The following PSD3 variants were observed in gnomAD, a reference collection of about 807,000 sequenced individuals.
The protein encoded by PSD3 is PH and SEC7 domain-containing protein 3.
Under a neutral mutation model 105.5 loss-of-function variants are expected in PSD3, and 49 were observed. The ratio of observed to expected loss-of-function variants is 0.46; its 90% CI spans 0.37 to 0.59. The LOEUF (loss-of-function observed/expected upper bound fraction) is 0.59, where lower values mean the gene tolerates loss of function less well. Ranked by LOEUF, PSD3 falls within the 20% of genes least tolerant of loss-of-function variation. The probability of loss-of-function intolerance (pLI) is 0.00; values close to 1 mark genes in which losing one functional copy is unlikely to be tolerated. For synonymous variants in PSD3, 557 were observed against 457.8 expected, an observed-to-expected ratio of 1.22 and a Z score of -2.77; for missense variants, 1,561 against 1,263.8, an observed-to-expected ratio of 1.24 and a Z score of -3.57.
At chr8:18,991,061 G>C (rs1013103973) in intron 1 of PSD3, among the ~76,000 whole-genome samples, 1 of 152,072 alleles carries the variant, frequency 6.6e-6, no homozygotes, top group Non-Finnish European at 1.5e-5. Context: ...AGAAGCTGCC[G>C]GCCAGAGCCC....
At chr8:18,579,147 A>G (rs1318278564) in intron 12 of PSD3, among the ~76,000 whole-genome samples, 1 of 144,308 alleles carries the variant, frequency 6.9e-6, no homozygotes, top group Non-Finnish European at 1.5e-5. Flanking sequence ...GGGCAAAACC[A>G]AGAGTAGAGT....
At chr8:18,579,356 G>C (rs1585291854) in intron 12 of PSD3, among the ~76,000 whole-genome samples, 1 of 152,072 alleles carries the variant, frequency 6.6e-6, no homozygotes, top group African/African-American at 2.4e-5. Context: ...GTGAAACAGT[G>C]AGCAAGATAA....
In PSD3 at chr8:19,013,535, G is replaced by C. The variant is rs753995788; in HGVS notation, c.21+28C>G. 1.9e-6 allele frequency: 3 copies of C among 1,574,688 alleles called. No homozygotes were observed. The East Asian group carries it at 7.2e-5, about 38-fold the overall frequency. ...AACAGCGGCGCCGCGTGCGCACCCC[G>C]CGCCCGCGCCCCGGCCCCGGAGCTC... On this transcript the variant is annotated intron_variant, in intron 1 of 15. Coordinates refer to ENST00000327040, the MANE Select transcript of PSD3 (RefSeq NM_015310.4).
chr8:18,650,604 G>A (rs1220490483), intron 10 of PSD3, among the ~76,000 whole-genome samples: 1 of 152,120 alleles, frequency 6.6e-6, no homozygotes, highest in Non-Finnish European at 1.5e-5. Flanking sequence ...TAAATCTCAT[G>A]TTGTGTTCTC....
At chr8:18,789,482 A>T (rs574755874) in intron 8 of PSD3, among the ~76,000 whole-genome samples, 6 of 152,210 alleles carry the variant, frequency 3.9e-5, no homozygotes, top group Non-Finnish European at 7.3e-5. Context: ...AATGCAATTT[A>T]AAAATCTTAT....
At chr8:18,708,987 A>G (rs973473725) in intron 9 of PSD3, among the ~76,000 whole-genome samples, 7 of 152,098 alleles carry the variant, frequency 4.6e-5, no homozygotes, top group Admixed American at 4.6e-4. Flanking sequence ...GGATCAGGAG[A>G]TCCCCTTGTG....
At chr8:18,966,784 T>C (rs1461518210) in intron 1 of PSD3, among the ~76,000 whole-genome samples, 1 of 152,270 alleles carries the variant, frequency 6.6e-6, no homozygotes, top group South Asian at 2.1e-4. Flanking sequence ...GATGGTCATT[T>C]AAAATCTGAT....
At chr8:18,932,365 A>G (rs981922525) in intron 2 of PSD3, among the ~76,000 whole-genome samples, 1 of 152,240 alleles carries the variant, frequency 6.6e-6, no homozygotes, top group Non-Finnish European at 1.5e-5. Context: ...GTGAGAAGTA[A>G]TTACAGTCAG....
intron 8 of PSD3, among the ~76,000 whole-genome samples, chr8:18,780,824 T>C (rs1235889961): frequency 6.6e-6 from 1 of 152,114 alleles, no homozygotes; most frequent in East Asian, 1.9e-4. Context: ...AAAGTGCTGG[T>C]ATTACAGGCG....
chr8:18,693,352 C>A (rs991031061), intron 9 of PSD3, among the ~76,000 whole-genome samples: 2 of 152,198 alleles, frequency 1.3e-5, no homozygotes, highest in African/African-American at 4.8e-5. Flanking sequence ...CAGCAAAGCG[C>A]AATGGCTATG....
At chr8:18,740,379 CT>C (rs1804472502) in intron 9 of PSD3, among the ~76,000 whole-genome samples, 1 of 152,212 alleles carries the variant, frequency 6.6e-6, no homozygotes, top group African/African-American at 2.4e-5. Context: ...ATTCTGACAG[CT>C]TGCAGTGACC....
At chr8:18,941,896 C>T (rs938863503) in intron 1 of PSD3, among the ~76,000 whole-genome samples, 2 of 152,226 alleles carry the variant, frequency 1.3e-5, no homozygotes, top group Admixed American at 1.3e-4. Context: ...TAGTCTCAAA[C>T]TCCTGACCTC....
chr8:18,617,760 G>T (rs1232139963), intron 11 of PSD3, among the ~76,000 whole-genome samples: 2 of 152,074 alleles, frequency 1.3e-5, no homozygotes, highest in African/African-American at 4.8e-5. Flanking sequence ...CACTAAAATG[G>T]AGATCCCGAC....
intron 9 of PSD3, among the ~76,000 whole-genome samples, chr8:18,680,716 C>T (rs996827469): frequency 3.3e-5 from 5 of 152,006 alleles, no homozygotes; most frequent in African/African-American, 7.3e-5. Context: ...AAAGTCAACA[C>T]GGAGAAGGGG....
intron 2 of PSD3, among the ~76,000 whole-genome samples, chr8:18,932,893 C>G (rs905168521): frequency 1.3e-5 from 2 of 152,200 alleles, no homozygotes; most frequent in Non-Finnish European, 2.9e-5. Flanking sequence ...TCTAGTCATC[C>G]TTCAAGACCA....
chr8:18,641,371 T>C (rs1289692907), intron 10 of PSD3, among the ~76,000 whole-genome samples: 2 of 152,264 alleles, frequency 1.3e-5, no homozygotes, highest in East Asian at 3.9e-4. Flanking sequence ...GCAGTCCTGA[T>C]ATCATGATGA....
chr8:18,652,493 G>T (rs373043113), intron 10 of PSD3, among the ~76,000 whole-genome samples: 66 of 92,566 alleles, frequency 7.1e-4, no homozygotes, highest in South Asian at 2.2e-3. Context: ...AAAAAGCTTA[G>T]TTTTTTTTTT....
At chr8:18,868,708 G>A (rs1007298504) in intron 3 of PSD3, among the ~76,000 whole-genome samples, 7 of 152,140 alleles carry the variant, frequency 4.6e-5, no homozygotes, top group African/African-American at 1.7e-4. Context: ...CAACATACAG[G>A]GTAGGGCATT....
intron 1 of PSD3, among the ~76,000 whole-genome samples, chr8:19,073,816 A>T (rs1464893692): frequency 6.6e-6 from 1 of 150,914 alleles, no homozygotes; most frequent in Admixed American, 6.6e-5. Context: ...TTTGAGACAG[A>T]ATCTCGCTCT....
Sources: gnomAD v4.1 joint callset for allele counts (sites outside exome capture counted in the v4.1 genomes callset) on GRCh38, gnomAD v4.1.1 for gene constraint, MANE v1.5 for transcripts, NCBI Gene and HGNC (gene_info 2026-07-23, HGNC 2026-07-21) for gene names.